The following LRRTM4 variants were observed in gnomAD, a reference collection of about 807,000 sequenced individuals.
The protein encoded by LRRTM4 is leucine-rich repeat transmembrane neuronal protein 4.
In LRRTM4, 25 loss-of-function variants were observed where a neutral mutation model predicts 47.6. The ratio of observed to expected loss-of-function variants is 0.53; its 90% confidence interval spans 0.38 to 0.73. The LOEUF (loss-of-function observed/expected upper bound fraction) is 0.73, where lower values mean the gene tolerates loss of function less well. Among genes scored for constraint, LRRTM4 ranks in the 30% least tolerant of loss-of-function variants. The pLI is 0.00. For synonymous variants in LRRTM4, 311 were observed against 269.5 expected (o/e 1.15, Z -1.51); for missense variants, 638 against 713.4 (o/e 0.89, Z 1.20).
At chr2:77,243,703 A>C (rs555534578) in intron 3 of LRRTM4, among the ~76,000 whole-genome samples, 1 of 151,460 alleles carries the variant, frequency 6.6e-6, no homozygotes. Context: ...TCTTATGCGT[A>C]TTTTTCCAAA....
chr2:77,457,047 TATATGTATAA>T (rs1558752135), intron 3 of LRRTM4, among the ~76,000 whole-genome samples: 7 of 11,882 alleles, frequency 5.9e-4, no homozygotes, highest in African/African-American at 2.1e-3. Context: ...TATATATATA[TATATGTATAA>T]CCTGGAACTC....
At position 77,517,269 on chromosome 2, in the gene LRRTM4, C is replaced by CA. The variant is rs764222442; in HGVS notation, c.1551+1048dup. On this transcript the variant is annotated intron_variant, in intron 3 of 3. Transcript: ENST00000409884. The stretch of plus-strand genomic sequence containing the variant: ...GGGTCCAAATTTATTCTTATAAAAA[C>CA]AAAAATAATATAACATGGAAGGTAC... 28 of 983,172 alleles carry CA rather than the reference C, an allele frequency of 2.8e-5. No individual in the cohort carries two copies. The East Asian group carries it at 1.5e-3, about 52-fold the overall frequency. The allele number at this position is 983,172 out of a possible 1,614,324, so 60.9% of individuals were successfully genotyped here. A position where few individuals can be genotyped will look rare whatever the true frequency, so the allele number is the denominator to read the frequency against.
chr2:77,081,291 C>T (rs13431979), intron 3 of LRRTM4, among the ~76,000 whole-genome samples: 57,713 of 146,200 alleles, frequency 0.39, 14,401 homozygotes, highest in African/African-American at 0.69. Context: ...CACACACACA[C>T]ATAAATTTGT....
intron 3 of LRRTM4, among the ~76,000 whole-genome samples, chr2:76,807,419 T>TACACACAC (rs1251007922): frequency 2.3e-5 from 2 of 85,660 alleles, no homozygotes; most frequent in African/African-American, 1.2e-4. Flanking sequence ...TATATATATA[T>TACACACAC]ATATACATAT....
At chr2:77,503,971 A>G (rs1416808460) in intron 3 of LRRTM4, among the ~76,000 whole-genome samples, 1 of 151,712 alleles carries the variant, frequency 6.6e-6, no homozygotes, top group African/African-American at 2.4e-5. Context: ...AGTAGGTTGA[A>G]GAACTTAGCA....
intron 3 of LRRTM4, among the ~76,000 whole-genome samples, chr2:76,814,015 G>A (rs1670825108): frequency 6.6e-6 from 1 of 151,896 alleles, no homozygotes; most frequent in Admixed American, 6.6e-5. Flanking sequence ...CCCCCTCTGG[G>A]CTCTGACTGT....
intron 3 of LRRTM4, among the ~76,000 whole-genome samples, chr2:77,477,873 G>GCC (rs1677472087): frequency 9.3e-6 from 1 of 107,136 alleles, no homozygotes; most frequent in Admixed American, 1.1e-4. Flanking sequence ...GAGAGAGAAA[G>GCC]AAAGAAAGAG....
chr2:77,069,612 T>G (rs1573526991), intron 3 of LRRTM4, among the ~76,000 whole-genome samples: 1 of 152,164 alleles, frequency 6.6e-6, no homozygotes, highest in African/African-American at 2.4e-5. Flanking sequence ...GGGGGTAATG[T>G]TGGTAGCTTG....
chr2:76,766,176 A>G (rs7585191), intron 3 of LRRTM4, among the ~76,000 whole-genome samples: 1,960 of 152,272 alleles, frequency 0.013, 38 homozygotes, highest in African/African-American at 0.038. Flanking sequence ...TTTCTCCATT[A>G]CATAGTACAG....
chr2:77,346,021 T>C (rs987408927), intron 3 of LRRTM4, among the ~76,000 whole-genome samples: 2 of 151,534 alleles, frequency 1.3e-5, no homozygotes, highest in Non-Finnish European at 2.9e-5. Flanking sequence ...ATACTACTTA[T>C]AAAAAAAAGA....
At chr2:76,938,533 C>G (rs1221247074) in intron 3 of LRRTM4, among the ~76,000 whole-genome samples, 2 of 152,022 alleles carry the variant, frequency 1.3e-5, no homozygotes, top group African/African-American at 2.4e-5. Context: ...TGATTTCACT[C>G]CTGTTATGTT....
intron 3 of LRRTM4, among the ~76,000 whole-genome samples, chr2:76,941,675 G>T (rs1250042374): frequency 6.6e-6 from 1 of 152,166 alleles, no homozygotes; most frequent in African/African-American, 2.4e-5. Context: ...GTATTCCATG[G>T]TGTATATGTG....
intron 3 of LRRTM4, among the ~76,000 whole-genome samples, chr2:76,908,594 C>A (rs971324185): frequency 1.3e-5 from 2 of 152,000 alleles, no homozygotes; most frequent in African/African-American, 4.8e-5. Flanking sequence ...CTAGAAAACC[C>A]CATTGTCTCA....
At chr2:77,430,611 C>G (rs902949204) in intron 3 of LRRTM4, among the ~76,000 whole-genome samples, 12 of 149,022 alleles carry the variant, frequency 8.1e-5, no homozygotes, top group Admixed American at 4.0e-4. Context: ...ATCCCAGCTA[C>G]TTGGGAGGCT....
At chr2:77,078,642 T>C (rs552049866) in intron 3 of LRRTM4, among the ~76,000 whole-genome samples, 7 of 152,294 alleles carry the variant, frequency 4.6e-5, no homozygotes, top group East Asian at 3.9e-4. Flanking sequence ...TTTTGATTCA[T>C]TGACAAAAAT....
intron 3 of LRRTM4, among the ~76,000 whole-genome samples, chr2:77,260,808 C>T (rs1487199969): frequency 6.6e-6 from 1 of 151,992 alleles, no homozygotes; most frequent in Admixed American, 6.6e-5. Flanking sequence ...CAAAGTCACG[C>T]CGAGCCTGAT....
chr2:77,316,191 T>C (rs539059261), intron 3 of LRRTM4, among the ~76,000 whole-genome samples: 1 of 152,280 alleles, frequency 6.6e-6, no homozygotes, highest in African/African-American at 2.4e-5. Flanking sequence ...TAATTTCCAA[T>C]TTGTAAATGG....
At chr2:76,776,638 A>T (rs1674010360) in intron 3 of LRRTM4, among the ~76,000 whole-genome samples, 3 of 150,858 alleles carry the variant, frequency 2.0e-5, no homozygotes, top group African/African-American at 7.3e-5. Flanking sequence ...GTTTGAGTTC[A>T]TTGTAGATTC....
chr2:76,933,293 T>A (rs2103840037), intron 3 of LRRTM4, among the ~76,000 whole-genome samples: 1 of 152,278 alleles, frequency 6.6e-6, no homozygotes, highest in South Asian at 2.1e-4. Context: ...TGTTACCCCT[T>A]TCTACTATGG....
Sources: gnomAD v4.1 joint callset for allele counts (sites outside exome capture counted in the v4.1 genomes callset) on GRCh38, gnomAD v4.1.1 for gene constraint, MANE v1.5 for transcripts, NCBI Gene and HGNC (gene_info 2026-07-23, HGNC 2026-07-21) for gene names.